KANSL1L: variants seen among roughly 807,000 people sequenced by gnomAD.
KANSL1L encodes the protein KAT8 regulatory NSL complex subunit 1 like, also known as KAT8 regulatory NSL complex subunit 1-like protein.
A neutral mutation model predicts 108.6 loss-of-function variants in KANSL1L; 25 were observed. That is an observed-to-expected ratio of 0.23 (90% CI 0.17 to 0.32). KANSL1L has a LOEUF of 0.32. KANSL1L is among the 10% of genes least tolerant of loss of function. KANSL1L has a pLI of 1.00. For missense variants in KANSL1L, 1,137 were observed against 1,125.7 expected, an observed-to-expected ratio of 1.01 and a Z score of -0.14; for synonymous variants, 405 against 395.1, an observed-to-expected ratio of 1.03 and a Z score of -0.30.
At chr2:210,087,396 T>A (rs186095249) in intron 5 of KANSL1L, among the ~76,000 whole-genome samples, 1 of 152,242 alleles carries the variant, frequency 6.6e-6, no homozygotes, top group Non-Finnish European at 1.5e-5. Context: ...GACATCTATG[T>A]CATCTATCAC....
intron 6 of KANSL1L, among the ~76,000 whole-genome samples, chr2:210,050,435 T>TA (rs1178291892): frequency 1.3e-5 from 2 of 151,980 alleles, no homozygotes; most frequent in Admixed American, 1.3e-4. Flanking sequence ...ACTTTAAATA[T>TA]AAAGTAATAG....
chr2:210,062,211 T>G (rs1019999348), intron 6 of KANSL1L, among the ~76,000 whole-genome samples: 1 of 152,134 alleles, frequency 6.6e-6, no homozygotes, highest in Non-Finnish European at 1.5e-5. Flanking sequence ...GATCTGATGG[T>G]TTTAAAAAGA....
At chr2:210,026,003 G>A (rs1414231323) in intron 12 of KANSL1L, among the ~76,000 whole-genome samples, 1 of 151,048 alleles carries the variant, frequency 6.6e-6, no homozygotes, top group Non-Finnish European at 1.5e-5. Flanking sequence ...ACTATTCTAA[G>A]AAGATGTTAA....
chr2:210,096,763 G>T, intron 5 of KANSL1L: 1 of 953,070 alleles, frequency 1.0e-6, no homozygotes, highest in Non-Finnish European at 1.2e-6. Flanking sequence ...TTTTATCACT[G>T]ATATGAGGAA....
chr2:210,033,553 G>C (rs1219289059), intron 8 of KANSL1L, among the ~76,000 whole-genome samples: 4 of 151,860 alleles, frequency 2.6e-5, no homozygotes, highest in African/African-American at 9.7e-5. Context: ...TTTTTGAGAC[G>C]GAGTCTCGCT....
chr2:210,095,859 A>G (rs572513136), intron 5 of KANSL1L, among the ~76,000 whole-genome samples: 35 of 152,144 alleles, frequency 2.3e-4, no homozygotes, highest in Non-Finnish European at 4.4e-4. Flanking sequence ...TTCAAGGAAA[A>G]TATGATATTT....
Position 210,100,285 on chromosome 2 carries a change from C to T in KANSL1L, c.1429-2078G>A, listed in dbSNP as rs562166454. On this transcript the variant is annotated intron_variant, in intron 4 of 14. Transcript: ENST00000281772. ...TCTCAAAACCATCCCCCCATCCCCA[C>T]CCTGCGGAAAAATTGTCTTCTACAA... Among the ~76,000 whole-genome samples, 14 of 152,246 alleles carry T rather than the reference C, an allele frequency of 9.2e-5. No homozygotes were observed. The South Asian group carries it at 2.9e-3, about 32-fold the overall frequency.
intron 4 of KANSL1L, among the ~76,000 whole-genome samples, chr2:210,098,814 A>G (rs1460489258): frequency 3.7e-5 from 1 of 27,136 alleles, no homozygotes; most frequent in Non-Finnish European, 1.5e-4. Flanking sequence ...ATTCACAAAT[A>G]TCAGAGTTTT....
intron 6 of KANSL1L, among the ~76,000 whole-genome samples, chr2:210,069,018 C>T (rs1459589146): frequency 2.6e-5 from 4 of 152,164 alleles, no homozygotes; most frequent in Admixed American, 2.0e-4. Context: ...TTGCTTTTAA[C>T]CTAACAGCTC....
chr2:210,161,137 C>T (rs750100747), intron 1 of KANSL1L, among the ~76,000 whole-genome samples: 1 of 151,756 alleles, frequency 6.6e-6, no homozygotes, highest in South Asian at 2.1e-4. Context: ...TACAGGTACC[C>T]GCCATCATGC....
At chr2:210,116,406 G>A (rs1559570579) in intron 3 of KANSL1L, among the ~76,000 whole-genome samples, 1 of 152,170 alleles carries the variant, frequency 6.6e-6, no homozygotes, top group Non-Finnish European at 1.5e-5. Flanking sequence ...GCCTTGAGGA[G>A]ACACAGACGA....
intron 3 of KANSL1L, among the ~76,000 whole-genome samples, chr2:210,109,966 T>C (rs1392897271): frequency 1.3e-5 from 2 of 152,178 alleles, no homozygotes; most frequent in East Asian, 3.8e-4. Flanking sequence ...GGTTTAAGTC[T>C]TGGCCAGTAA....
chr2:210,155,560 T>A (rs562469910), intron 1 of KANSL1L, among the ~76,000 whole-genome samples: 16 of 152,292 alleles, frequency 1.1e-4, no homozygotes, highest in African/African-American at 3.8e-4. Context: ...TGAATATGCA[T>A]CAGAATATGC....
intron 3 of KANSL1L, among the ~76,000 whole-genome samples, chr2:210,112,385 A>G (rs1293878165): frequency 6.6e-6 from 1 of 152,242 alleles, no homozygotes; most frequent in Non-Finnish European, 1.5e-5. Context: ...CCAGAAAAGA[A>G]AAATAATCAC....
chr2:210,136,765 C>G (rs2095177498), intron 2 of KANSL1L, among the ~76,000 whole-genome samples: 1 of 152,086 alleles, frequency 6.6e-6, no homozygotes, highest in Admixed American at 6.6e-5. Context: ...CTGCGAAACA[C>G]TATAATGGGC....
In KANSL1L at chr2:210,088,703, G is replaced by A. The variant is rs551305151; in HGVS notation, c.1550+9383C>T. ...GAAGGTGATTTTCCTGAAGCAGGTGGGCATTGGCTTGTTACCTGTAACTGG... is the reference window on the plus strand; with the variant it reads ...GAAGGTGATTTTCCTGAAGCAGGTGAGCATTGGCTTGTTACCTGTAACTGG... On this transcript the variant is annotated intron_variant, in intron 5 of 14. Transcript: ENST00000281772. 9.2e-5 allele frequency: 14 copies of A among 152,622 alleles called. No homozygotes were observed. The East Asian group carries it at 2.7e-3, about 29-fold the overall frequency. 9.5% of individuals were successfully genotyped at this position (152,622 alleles called of 1,614,324 possible). A position where few individuals can be genotyped will look rare whatever the true frequency, so the allele number is the denominator to read the frequency against.
chr2:210,168,836 A>C (rs1215364545), intron 1 of KANSL1L, among the ~76,000 whole-genome samples: 1 of 152,158 alleles, frequency 6.6e-6, no homozygotes, highest in Non-Finnish European at 1.5e-5. Context: ...CAATTTCCTG[A>C]TCTTCCATAG....
chr2:210,119,273 T>C (rs1443864743), intron 3 of KANSL1L, among the ~76,000 whole-genome samples: 1 of 152,170 alleles, frequency 6.6e-6, no homozygotes, highest in Non-Finnish European at 1.5e-5. Context: ...GAAGAAGTAG[T>C]ATCAATCCTA....
intron 5 of KANSL1L, among the ~76,000 whole-genome samples, chr2:210,086,268 A>AC (rs2094636396): frequency 6.6e-6 from 1 of 152,102 alleles, no homozygotes; most frequent in African/African-American, 2.4e-5. Context: ...AAATCTAGAC[A>AC]CTATTTCAAG....
Sources: allele counts gnomAD v4.1 joint callset (sites outside exome capture counted in the v4.1 genomes callset), GRCh38; gene constraint gnomAD v4.1.1; transcripts MANE v1.5; gene names NCBI Gene and HGNC (gene_info 2026-07-23, HGNC 2026-07-21).